The following AGBL1 variants were observed in gnomAD, a reference collection of about 807,000 sequenced individuals.
The protein encoded by AGBL1 is AGBL carboxypeptidase 1, also known as cytosolic carboxypeptidase 4.
In AGBL1, 130 loss-of-function variants were observed where a neutral mutation model predicts 118.9. The observed-to-expected ratio is 1.09, with a 90% CI of 0.95 to 1.26. The LOEUF (loss-of-function observed/expected upper bound fraction) is 1.26. AGBL1 is among the 50% of genes most tolerant of loss of function. The probability of loss-of-function intolerance (pLI) is 0.00; values close to 1 mark genes in which losing one functional copy is unlikely to be tolerated. For missense variants in AGBL1, 1,584 were observed against 1,298.1 expected (o/e 1.22, Z -3.38); for synonymous variants, 555 against 478.9 (o/e 1.16, Z -2.08).
intron 22 of AGBL1, among the ~76,000 whole-genome samples, chr15:86,775,518 C>G (rs781129805): frequency 6.6e-6 from 1 of 151,972 alleles, no homozygotes; most frequent in Non-Finnish European, 1.5e-5. Context: ...ATTCAGGCAG[C>G]CTTGATATTT....
At chr15:86,700,641 T>A (rs2086342086) in intron 22 of AGBL1, among the ~76,000 whole-genome samples, 2 of 152,066 alleles carry the variant, frequency 1.3e-5, no homozygotes, top group South Asian at 4.1e-4. Flanking sequence ...TTTCAGCTGG[T>A]GAAAATTAGG....
intron 1 of AGBL1, among the ~76,000 whole-genome samples, chr15:86,141,430 T>A (rs779216207): frequency 2.6e-5 from 4 of 152,152 alleles, no homozygotes; most frequent in Non-Finnish European, 5.9e-5. Context: ...GGCAGGCAGA[T>A]AACGTGGTCA....
chr15:87,017,126 T>G (rs1055842732), intron 24 of AGBL1, among the ~76,000 whole-genome samples: 1 of 151,466 alleles, frequency 6.6e-6, no homozygotes, highest in Non-Finnish European at 1.5e-5. Context: ...CAGGCTGGAG[T>G]CTGCCTGAGA....
intron 1 of AGBL1, among the ~76,000 whole-genome samples, chr15:86,098,163 C>CT (rs1896497225): frequency 6.6e-6 from 1 of 151,626 alleles, no homozygotes; most frequent in Non-Finnish European, 1.5e-5. Context: ...TGTAATAAAA[C>CT]TATTTATTTT....
chr15:86,966,232 C>T (rs905474444), intron 23 of AGBL1, among the ~76,000 whole-genome samples: 1 of 148,716 alleles, frequency 6.7e-6, no homozygotes, highest in East Asian at 2.0e-4. Flanking sequence ...ATAGCTGTAA[C>T]AGAGCTTAAG....
At chr15:86,948,693 C>T (rs1446722368) in intron 23 of AGBL1, among the ~76,000 whole-genome samples, 2 of 152,218 alleles carry the variant, frequency 1.3e-5, no homozygotes, top group Admixed American at 6.5e-5. Context: ...TGAGTGCCAA[C>T]AAGATGTCTT....
chr15:86,829,408 C>G (rs2079074538), intron 22 of AGBL1, among the ~76,000 whole-genome samples: 1 of 152,154 alleles, frequency 6.6e-6, no homozygotes, highest in Non-Finnish European at 1.5e-5. Flanking sequence ...CCATATGACC[C>G]TGTAAATCTG....
chr15:86,141,547 A>G (rs1420158456), intron 1 of AGBL1, among the ~76,000 whole-genome samples: 1 of 152,218 alleles, frequency 6.6e-6, no homozygotes, highest in Non-Finnish European at 1.5e-5. Context: ...GTTACTTGGC[A>G]GGCTGAGGCA....
At chr15:86,679,659 A>G (rs1364945959) in intron 22 of AGBL1, among the ~76,000 whole-genome samples, 2 of 152,102 alleles carry the variant, frequency 1.3e-5, no homozygotes, top group African/African-American at 4.8e-5. Context: ...GACTCTAAGC[A>G]TTTAAGAATT....
chr15:86,240,836 A>T (rs184212168), intron 6 of AGBL1, among the ~76,000 whole-genome samples: 1 of 152,162 alleles, frequency 6.6e-6, no homozygotes, highest in African/African-American at 2.4e-5. Flanking sequence ...TGTTCTCAGG[A>T]ATGATAGAGG....
chr15:86,528,327 G>A (rs573303643), intron 19 of AGBL1, among the ~76,000 whole-genome samples: 2 of 152,208 alleles, frequency 1.3e-5, no homozygotes, highest in Non-Finnish European at 2.9e-5. Flanking sequence ...TTCCCTCTCC[G>A]AGTCAAAGAA....
rs138352384 is a variant in AGBL1 at position 86,252,308 on chromosome 15, G to A, written c.735+4429G>A. 1.9e-3 allele frequency among the ~76,000 whole-genome samples: 287 copies of A among 152,314 alleles called. 1 individual carries two copies. The highest frequency in any genetic ancestry group is 6.4e-3 in the African/African-American group (268 of 41,574). On this transcript the variant is annotated intron_variant, in intron 7 of 22. Transcript: ENST00000614907. ...AATGACCTCAGCCTTGTGGACCTGT[G>A]TAAGGAGGGACTGAATTCTAAAGAG...
At position 86,745,138 on chromosome 15, in the gene AGBL1, A is replaced by G. The variant is rs181584739; in HGVS notation, c.3158+70702A>G. Among the ~76,000 whole-genome samples, 344 of 152,242 alleles carry G rather than the reference A, an allele frequency of 2.3e-3. 1 individual carries two copies. The highest frequency in any genetic ancestry group is 7.4e-3 in the African/African-American group (309 of 41,554). ...CACCAGTGAAAACAAAGGAGAGAGT[A>G]TGTTTAATTCAAGGAATGACATCCT... On this transcript the variant is annotated intron_variant, in intron 22 of 22. Coordinates refer to ENST00000614907, the MANE Select transcript of AGBL1 (RefSeq NM_001386094.1).
rs777575244 is a variant in AGBL1, at chr15:86,154,561, G to A, written c.394G>A (p.Val132Ile). Residue 132 changes from valine to isoleucine, a missense_variant and splice_region_variant, in exon 4 of 23, where the codon GTC (valine) becomes ATC (isoleucine). Transcript: ENST00000614907. The stretch of plus-strand genomic sequence containing the variant: ...GGCTCTGCGTGTGTTTGCCTCCAGT[G>A]GTAAGTGACTCTATTGTGGCTCTCG... ...LWALRVFASSVSMGAMLGING... is the reference protein window; with the variant it reads ...LWALRVFASSISMGAMLGING... The A allele has an allele frequency of 6.2e-7, 1 of 1,605,308 alleles. No individual in the cohort carries two copies. The highest frequency in any genetic ancestry group is 8.5e-7 in the Non-Finnish European group (1 of 1,175,174).
chr15:86,943,619 C>T (rs888556092), intron 23 of AGBL1, among the ~76,000 whole-genome samples: 11 of 152,156 alleles, frequency 7.2e-5, no homozygotes, highest in East Asian at 3.9e-4. Context: ...GTTCTCTACC[C>T]GGCCGGCACC....
At chr15:86,114,913 G>C (rs1042324064) in intron 1 of AGBL1, among the ~76,000 whole-genome samples, 5 of 152,192 alleles carry the variant, frequency 3.3e-5, no homozygotes, top group African/African-American at 1.2e-4. Context: ...AGCCTGAGCT[G>C]TCAGTGAATT....
intron 18 of AGBL1, among the ~76,000 whole-genome samples, chr15:86,454,989 G>A (rs2082242247): frequency 6.6e-6 from 1 of 152,108 alleles, no homozygotes; most frequent in Non-Finnish European, 1.5e-5. Flanking sequence ...TCTGTCTACA[G>A]GCAGACTATT....
Position 86,119,637 on chromosome 15 carries a change from A to G in AGBL1, c.52-22367A>G, listed in dbSNP as rs1314210578. 5.3e-5 allele frequency among the ~76,000 whole-genome samples: 8 copies of G among 150,330 alleles called. No homozygotes were observed. In the Admixed American group the frequency reaches 5.3e-4, roughly 10 times the overall value. On this transcript the variant is annotated intron_variant, in intron 1 of 22. Transcript: ENST00000614907. ...CTAGGTGGTATAAAAATGGAAGAGCATATCTCAGAAAAGTAGTTTGTGTGT... is the reference window on the plus strand; with the variant it reads ...CTAGGTGGTATAAAAATGGAAGAGCGTATCTCAGAAAAGTAGTTTGTGTGT...
At chr15:86,708,276 C>T (rs2086489189) in intron 22 of AGBL1, among the ~76,000 whole-genome samples, 1 of 151,960 alleles carries the variant, frequency 6.6e-6, no homozygotes, top group Non-Finnish European at 1.5e-5. Flanking sequence ...ATCATAAGGG[C>T]AGGGTTCTGA....
Sources: allele counts gnomAD v4.1 joint callset (sites outside exome capture counted in the v4.1 genomes callset), GRCh38; gene constraint gnomAD v4.1.1; transcripts MANE v1.5; gene names NCBI Gene and HGNC (gene_info 2026-07-23, HGNC 2026-07-21).